Variants in SLC9A7 observed in about 807,000 individuals in gnomAD.
The protein encoded by SLC9A7 is sodium/hydrogen exchanger 7.
A neutral mutation model predicts 52.6 loss-of-function variants in SLC9A7; 19 were observed. That is an observed-to-expected ratio of 0.36 (90% confidence interval 0.25 to 0.53). The LOEUF is 0.53. Ranked by LOEUF, SLC9A7 falls within the 20% of genes least tolerant of loss-of-function variation. The probability of loss-of-function intolerance (pLI) is 0.91; values close to 1 mark genes in which losing one functional copy is unlikely to be tolerated. For synonymous variants in SLC9A7, 226 were observed against 252.1 expected (o/e 0.90, Z 0.98); for missense variants, 455 against 597.9 (o/e 0.76, Z 2.49).
intron 1 of SLC9A7, among the ~76,000 whole-genome samples, chrX:46,705,283 T>C (rs1014828190): frequency 4.5e-5 from 5 of 112,018 alleles, no homozygotes; most frequent in African/African-American, 9.7e-5. Flanking sequence ...AGAGGCCACA[T>C]AGACTTCTGG....
chrX:46,608,542 C>G (rs1942790364), intron 16 of SLC9A7, among the ~76,000 whole-genome samples: 2 of 112,633 alleles, frequency 1.8e-5, no homozygotes, highest in Non-Finnish European at 3.7e-5. Flanking sequence ...GGCAGATGCT[C>G]AGAGCACAGT....
intron 7 of SLC9A7, 138 bp downstream of exon 7, chrX:46,661,878 T>C: frequency 1.9e-6 from 1 of 533,349 alleles, no homozygotes; most frequent in South Asian, 4.2e-5. Flanking sequence ...CAAAGTGACA[T>C]ATTTCAGGAG....
chrX:46,693,921 A>G (rs1027028398), intron 1 of SLC9A7, among the ~76,000 whole-genome samples: 1 of 110,487 alleles, frequency 9.1e-6, no homozygotes, highest in Non-Finnish European at 1.9e-5. Flanking sequence ...GCTGGAGGCC[A>G]TTATCCTAAG....
intron 14 of SLC9A7, among the ~76,000 whole-genome samples, chrX:46,630,565 G>A (rs1427414401): frequency 2.7e-5 from 3 of 111,730 alleles, no homozygotes; most frequent in Non-Finnish European, 5.6e-5. Context: ...ACACATTTCT[G>A]CCCCTATCAT....
intron 12 of SLC9A7, among the ~76,000 whole-genome samples, chrX:46,640,431 G>C (rs766055268): frequency 6.2e-4 from 70 of 112,371 alleles, no homozygotes; most frequent in Admixed American, 1.5e-3. Flanking sequence ...TAAATGTACA[G>C]TGTAAAACTA....
In SLC9A7 at chrX:46,626,061, C is replaced by A. The variant is rs181003283; in HGVS notation, c.1741-5002G>T. Among the ~76,000 whole-genome samples the A allele has an allele frequency of 8.0e-5, 9 of 111,924 alleles. No homozygotes were observed. The Admixed American group carries it at 8.5e-4, about 11-fold the overall frequency. On this transcript the variant is annotated intron_variant, in intron 14 of 16. Transcript: ENST00000616978. ...GTGGCCCATGCCTATAATCCCAGCA[C>A]TTTGGGAGGCCAAGACAGGCAGATC...
chrX:46,655,263 G>C (rs1192575309), intron 7 of SLC9A7, among the ~76,000 whole-genome samples: 1 of 111,538 alleles, frequency 9.0e-6, no homozygotes, highest in Non-Finnish European at 1.9e-5. Context: ...GGGATTACAG[G>C]TGTGAGCCAC....
intron 11 of SLC9A7, among the ~76,000 whole-genome samples, chrX:46,645,104 T>C (rs1180290105): frequency 8.9e-6 from 1 of 112,327 alleles, no homozygotes; most frequent in Non-Finnish European, 1.9e-5. Context: ...ACAAATGAGT[T>C]CCTTTTGATA....
chrX:46,623,857 C>A (rs1275933680), intron 14 of SLC9A7, among the ~76,000 whole-genome samples: 1 of 111,795 alleles, frequency 8.9e-6, no homozygotes, highest in Non-Finnish European at 1.9e-5. Flanking sequence ...CTTTCAAGCA[C>A]ACCTGAATTT....
chrX:46,655,080 G>T (rs1943654793), intron 7 of SLC9A7, among the ~76,000 whole-genome samples: 1 of 104,814 alleles, frequency 9.5e-6, no homozygotes, highest in Non-Finnish European at 1.9e-5. Context: ...CACCTCCCAG[G>T]TTCAAGTGAT....
At position 46,610,750 on chromosome X, in the gene SLC9A7, A is replaced by G. The variant is rs1038439143; in HGVS notation, c.1929+2539T>C. ...AAGCAAACTTGGAGTGGTCCCTTGA[A>G]CTGCTGGGAGAAGCACTTGAAATTG... is the stretch of plus-strand genomic sequence containing the variant. On this transcript the variant is annotated intron_variant, in intron 16 of 16. Transcript: ENST00000616978. Among the ~76,000 whole-genome samples the G allele has an allele frequency of 6.2e-5, 7 of 112,013 alleles. No homozygotes were observed. The East Asian group carries it at 1.1e-3, about 18-fold the overall frequency.
rs1942680127 is a variant in SLC9A7 at position 46,602,775 on chromosome X, G to A, written c.*4177C>T. 1 of 112,681 alleles carries A rather than the reference G, an allele frequency of 8.9e-6. No homozygotes were observed. Among genetic ancestry groups the A allele is most frequent in the South Asian group, 3.7e-4 (1 of 2,739 alleles). 9.3% of individuals were successfully genotyped at this position (112,681 alleles called of 1,213,427 possible). ...AATCTGATCTTATGCCAGACTGGCA[G>A]CAGATAGTTGGCCTTGTGTTGAATG... On this transcript the variant is annotated 3_prime_UTR_variant, in exon 17 of 17. Coordinates refer to ENST00000616978, the MANE Select transcript of SLC9A7 (RefSeq NM_001257291.2).
rs768839971 is a variant in SLC9A7 at position 46,682,234 on chromosome X, G to C, written c.525+102C>G. The C allele has an allele frequency of 1.4e-5, 11 of 793,650 alleles. 1 individual carries two copies. In the South Asian group the frequency reaches 2.4e-4, roughly 17 times the overall value. 65.4% of individuals were successfully genotyped at this position (793,650 alleles called of 1,213,427 possible). ...AAAACAGAGAGCCAGGAATGTTACG[G>C]ATAATCCAGGAGTTTGGAAGGATTT... On this transcript the variant is annotated intron_variant, in intron 2 of 16. Coordinates refer to ENST00000616978, the MANE Select transcript of SLC9A7 (RefSeq NM_001257291.2).
chrX:46,727,640 C>T (rs1280471217), intron 1 of SLC9A7, among the ~76,000 whole-genome samples: 1 of 112,067 alleles, frequency 8.9e-6, no homozygotes, highest in Non-Finnish European at 1.9e-5. Flanking sequence ...TGTCCCTGTA[C>T]AACAAATAGT....
chrX:46,676,751 T>C (rs756276408), intron 3 of SLC9A7, among the ~76,000 whole-genome samples: 1 of 111,686 alleles, frequency 9.0e-6, no homozygotes, highest in Non-Finnish European at 1.9e-5. Context: ...ATCTACTACA[T>C]GTCAATAGAT....
At chrX:46,740,376 AT>A (rs1182499461) in intron 1 of SLC9A7, among the ~76,000 whole-genome samples, 1 of 111,383 alleles carries the variant, frequency 9.0e-6, no homozygotes, top group Non-Finnish European at 1.9e-5. Context: ...GACCAGAGCA[AT>A]CAGAAAAGAG....
chrX:46,631,771 T>A, intron 13 of SLC9A7, 122 bp from the exon 14 acceptor site: 2 of 524,931 alleles, frequency 3.8e-6, no homozygotes, highest in Non-Finnish European at 3.2e-6. Flanking sequence ...AAGGAGTGGT[T>A]AGCTAAAAGG....
At chrX:46,650,791 C>T (rs1270266089) in intron 10 of SLC9A7, among the ~76,000 whole-genome samples, 3 of 111,415 alleles carry the variant, frequency 2.7e-5, no homozygotes, top group Non-Finnish European at 3.8e-5. Context: ...AATCACCTGC[C>T]GAGCACCAGT....
intron 1 of SLC9A7, among the ~76,000 whole-genome samples, chrX:46,717,974 A>G (rs1182643299): frequency 8.9e-6 from 1 of 111,823 alleles, no homozygotes; most frequent in African/African-American, 3.3e-5. Context: ...ACCAAAAACG[A>G]GCCCACATTG....
Sources: allele counts gnomAD v4.1 joint callset (sites outside exome capture counted in the v4.1 genomes callset), GRCh38; gene constraint gnomAD v4.1.1; transcripts MANE v1.5; gene names NCBI Gene and HGNC (gene_info 2026-07-23, HGNC 2026-07-21).